The following DNAJB14 variants were observed in gnomAD, a reference collection of about 807,000 sequenced individuals.
DNAJB14 encodes dnaJ homolog subfamily B member 14.
Under a neutral mutation model 48.4 loss-of-function variants are expected in DNAJB14, and 22 were observed. The observed-to-expected ratio is 0.45, with a 90% CI of 0.32 to 0.65. DNAJB14 has a LOEUF of 0.65. DNAJB14 is among the 30% of genes least tolerant of loss of function. The pLI, the probability that DNAJB14 is intolerant of heterozygous loss-of-function variation, is 0.03. For synonymous variants in DNAJB14, 142 were observed against 158.7 expected (o/e 0.89, Z 0.79); for missense variants, 319 against 458.8 (o/e 0.70, Z 2.78).
At chr4:99,932,896 C>A (rs185325236) in intron 1 of DNAJB14, among the ~76,000 whole-genome samples, 1 of 152,196 alleles carries the variant, frequency 6.6e-6, no homozygotes, top group South Asian at 2.1e-4. Context: ...GTATACTATA[C>A]GGTTCCGTTT....
Position 99,905,662 on chromosome 4 carries a change from C to A in DNAJB14, c.777G>T (p.Leu259Phe). 1.2e-6 allele frequency: 2 copies of A among 1,612,398 alleles called. No homozygotes were observed. Among genetic ancestry groups the A allele is most frequent in the Non-Finnish European group, 1.7e-6 (2 of 1,179,460 alleles). ...VFIQLMPIIVLILVSLLSQLM... is the reference protein window; with the variant it reads ...VFIQLMPIIVFILVSLLSQLM... ...ACTGGCTTAATAATGACACGAGGATCAATACAATTATGGGCATCAGCTGGA... is the reference window on the plus strand; with the variant it reads ...ACTGGCTTAATAATGACACGAGGATAAATACAATTATGGGCATCAGCTGGA... Residue 259 changes from leucine to phenylalanine, a missense_variant, in exon 6 of 8, where the codon TTG becomes TTT. By Grantham distance (22) the Leu-to-Phe change is conservative. This residue lies in a region of DNAJB14 where 166 missense variants were observed against 236.3 expected (regional missense o/e 0.70). Transcript: ENST00000442697.
At chr4:99,931,859 A>G (rs895044090) in intron 1 of DNAJB14, among the ~76,000 whole-genome samples, 3 of 152,044 alleles carry the variant, frequency 2.0e-5, no homozygotes, top group Admixed American at 6.5e-5. Flanking sequence ...AAAAAAATCT[A>G]GACAGCTTGT....
intron 3 of DNAJB14, among the ~76,000 whole-genome samples, chr4:99,917,659 T>C (rs1725904433): frequency 6.6e-6 from 1 of 152,218 alleles, no homozygotes; most frequent in South Asian, 2.1e-4. Flanking sequence ...TTCTCTTAGG[T>C]TGTATTTGCT....
intron 1 of DNAJB14, among the ~76,000 whole-genome samples, chr4:99,937,086 G>A (rs1726703760): frequency 6.6e-6 from 1 of 152,216 alleles, no homozygotes; most frequent in Non-Finnish European, 1.5e-5. Context: ...GGAGGCCGAG[G>A]CGGGCGGATC....
At chr4:99,940,421 C>T (rs1482452387) in intron 1 of DNAJB14, among the ~76,000 whole-genome samples, 6 of 151,910 alleles carry the variant, frequency 3.9e-5, no homozygotes, top group African/African-American at 9.7e-5. Context: ...GGTGAAACCC[C>T]GTCTCTACTA....
chr4:99,910,243 A>C (rs1725612023), intron 3 of DNAJB14: 1 of 152,066 alleles, frequency 6.6e-6, no homozygotes, highest in East Asian at 1.9e-4. Context: ...ATCTGAGGAG[A>C]TACTTTCTTC....
chr4:99,905,553 A>G, intron 6 of DNAJB14, 44 bp downstream of exon 6: 2 of 1,494,270 alleles, frequency 1.3e-6, no homozygotes, highest in Non-Finnish European at 9.3e-7. Context: ...TAGGTCAGAA[A>G]TAGCAACAAT....
At chr4:99,930,295 G>A in intron 2 of DNAJB14, 155 bp downstream of exon 2, 1 of 638,478 alleles carries the variant, frequency 1.6e-6, no homozygotes, top group South Asian at 4.3e-5. Context: ...TTACAGACCA[G>A]TTTTATAAAG....
intron 2 of DNAJB14, chr4:99,923,994 AAG>A: frequency 4.2e-6 from 2 of 471,672 alleles, no homozygotes; most frequent in Non-Finnish European, 5.5e-6. Flanking sequence ...TTGTACCTTA[AAG>A]ATTTAAGAGA....
At chr4:99,929,394 G>A (rs1188613100) in intron 2 of DNAJB14, 2 of 152,146 alleles carry the variant, frequency 1.3e-5, no homozygotes, top group African/African-American at 4.8e-5. Flanking sequence ...CACTCAGTCA[G>A]AGAATCGTTT....
intron 1 of DNAJB14, among the ~76,000 whole-genome samples, chr4:99,931,781 A>G (rs75558682): frequency 0.011 from 1,700 of 152,002 alleles, 39 homozygotes; most frequent in African/African-American, 0.039. Flanking sequence ...ATACAGTTAT[A>G]TGAGAAATCA....
At chr4:99,934,624 T>A (rs941587804) in intron 1 of DNAJB14, among the ~76,000 whole-genome samples, 4 of 150,746 alleles carry the variant, frequency 2.7e-5, no homozygotes, top group African/African-American at 9.7e-5. Context: ...TGAAATCCTG[T>A]CTCTACAAAA....
At chr4:99,932,479 C>A (rs1726511930) in intron 1 of DNAJB14, among the ~76,000 whole-genome samples, 1 of 151,974 alleles carries the variant, frequency 6.6e-6, no homozygotes. Flanking sequence ...CACTTCAAAC[C>A]CACATCCAAA....
chr4:99,905,711 A>G lies in DNAJB14; in HGVS notation c.733-5T>C, dbSNP rs1560731201. 2 of 1,608,708 alleles carry G rather than the reference A, an allele frequency of 1.2e-6. No individual in the cohort carries two copies. The highest frequency in any genetic ancestry group is 1.1e-5 in the South Asian group (1 of 90,754). On this transcript the variant is annotated splice_polypyrimidine_tract_variant and splice_region_variant and intron_variant, in intron 5 of 7. Transcript: ENST00000442697. ...GATAAACACAGAAAAACCTCCCTAT[A>G]AAAAATGATCAAAGAATAACAAATT...
intron 3 of DNAJB14, among the ~76,000 whole-genome samples, chr4:99,919,127 G>A (rs1725959462): frequency 6.6e-6 from 1 of 152,090 alleles, no homozygotes; most frequent in Non-Finnish European, 1.5e-5. Context: ...TTCCTGTGGT[G>A]TTTGCAGTAG....
At chr4:99,912,923 C>T (rs1020234298) in intron 3 of DNAJB14, among the ~76,000 whole-genome samples, 2 of 152,036 alleles carry the variant, frequency 1.3e-5, no homozygotes, top group Non-Finnish European at 2.9e-5. Context: ...AAACTTACAC[C>T]TAAGTATTTT....
intron 1 of DNAJB14, among the ~76,000 whole-genome samples, chr4:99,937,534 T>C (rs1192590702): frequency 6.8e-6 from 1 of 147,596 alleles, no homozygotes; most frequent in East Asian, 2.1e-4. Flanking sequence ...CAGACCTGCC[T>C]GGGCAACATA....
At chr4:99,922,562 A>C (rs898892811) in intron 3 of DNAJB14, 1 of 152,056 alleles carries the variant, frequency 6.6e-6, no homozygotes. Flanking sequence ...AGAAAAAAAT[A>C]ACATTAGCTA....
In DNAJB14 at chr4:99,898,581, G is replaced by T. The variant is rs576956821; in HGVS notation, c.*2447C>A. The T allele has an allele frequency of 6.6e-6, 1 of 151,974 alleles. No individual in the cohort carries two copies. The highest frequency in any genetic ancestry group is 1.5e-5 in the Non-Finnish European group (1 of 67,810). 9.4% of individuals were successfully genotyped at this position (151,974 alleles called of 1,614,324 possible). ...ATAATGTTTGTGTGTATATGCATGGGTGTATTTGTGTTTACACAAAAAGGG... is the reference window on the plus strand; with the variant it reads ...ATAATGTTTGTGTGTATATGCATGGTTGTATTTGTGTTTACACAAAAAGGG... On this transcript the variant is annotated 3_prime_UTR_variant, in exon 8 of 8. Coordinates refer to ENST00000442697, the MANE Select transcript of DNAJB14 (RefSeq NM_001031723.4).
Sources: gnomAD v4.1 joint callset for allele counts (sites outside exome capture counted in the v4.1 genomes callset) on GRCh38, gnomAD v4.1.1 for gene constraint, gnomAD v4.1.1 regional missense constraint, MANE v1.5 for transcripts, NCBI Gene and HGNC (gene_info 2026-07-23, HGNC 2026-07-21) for gene names.